ME2: variants seen among roughly 807,000 people sequenced by gnomAD.
ME2 encodes malic enzyme 2.
In ME2, 60 loss-of-function variants were observed where a neutral mutation model predicts 73.7. The ratio of observed to expected loss-of-function variants is 0.81; its 90% CI spans 0.66 to 1.01. The LOEUF (loss-of-function observed/expected upper bound fraction) is 1.01, where lower values mean the gene tolerates loss of function less well. ME2 is among the 50% of genes least tolerant of loss of function. ME2 has a pLI of 0.00. For synonymous variants in ME2, 199 were observed against 236.9 expected (o/e 0.84, Z 1.47); for missense variants, 594 against 705.5 (o/e 0.84, Z 1.79).
At chr18:50,940,699 G>A (rs1164987857) in intron 15 of ME2, among the ~76,000 whole-genome samples, 1 of 152,128 alleles carries the variant, frequency 6.6e-6, no homozygotes, top group Non-Finnish European at 1.5e-5. Flanking sequence ...CCCTTGGCCT[G>A]AAGCGATCCT....
chr18:50,892,659 GTCT>G lies in ME2; in HGVS notation c.-12-3145_-12-3143del, dbSNP rs1240480635. On this transcript the variant is annotated intron_variant, in intron 1 of 15. Transcript: ENST00000321341. The stretch of plus-strand genomic sequence containing the variant: ...TGATATAATCAGCCACTTTGCTGAA[GTCT>G]TCTTATTAGTTCTAGTATTTTTTTC... Among the ~76,000 whole-genome samples, 9 of 152,038 alleles carry G rather than the reference GTCT, an allele frequency of 5.9e-5. No homozygotes were observed. In the South Asian group the frequency reaches 1.5e-3, roughly 25 times the overall value.
Position 50,910,268 on chromosome 18 carries a change from C to CAAAA in ME2, c.242+2093_242+2096dup, listed in dbSNP as rs74176794. Among the ~76,000 whole-genome samples the CAAAA allele has an allele frequency of 6.5e-3, 223 of 34,452 alleles. 4 individuals are homozygous for CAAAA. The highest frequency in any genetic ancestry group is 8.2e-3 in the East Asian group (8 of 976). 22.6% of individuals were successfully genotyped at this position (34,452 alleles called of 152,430 possible). On this transcript the variant is annotated intron_variant, in intron 3 of 15. Coordinates refer to ENST00000321341, the MANE Select transcript of ME2 (RefSeq NM_002396.5). ...GCAACAGAGTGGGACCCTGTTTCTA[C>CAAAA]AAAAAAAAAAAAAAAAAAAAAAAAG...
At chr18:50,922,128 A>C (rs1917443647) in intron 10 of ME2, among the ~76,000 whole-genome samples, 1 of 152,256 alleles carries the variant, frequency 6.6e-6, no homozygotes, top group Non-Finnish European at 1.5e-5. Flanking sequence ...AATTAGAACC[A>C]GTATTCTATT....
chr18:50,947,106 G>A lies in ME2; in HGVS notation c.1677G>A (p.Arg559=). The change falls in exon 16 of 16, where the codon CGG becomes CGA. Residue 559 remains arginine, a synonymous_variant. Transcript: ENST00000321341. ...KAKYVKERTW[R]SEYDSLLPDV... ...AATATGTTAAAGAAAGAACATGGCG[G>A]AGTGAATATGATTCCCTGCTGCCAG... The A allele has an allele frequency of 2.5e-6, 4 of 1,614,052 alleles. No homozygotes were observed. Among genetic ancestry groups the A allele is most frequent in the Non-Finnish European group, 3.4e-6 (4 of 1,179,990 alleles).
chr18:50,880,840 C>T (rs1916302957), intron 1 of ME2, among the ~76,000 whole-genome samples: 1 of 152,230 alleles, frequency 6.6e-6, no homozygotes, highest in East Asian at 1.9e-4. Flanking sequence ...ATGGGTGACA[C>T]CCTTAGAGGG....
At chr18:50,942,117 A>G (rs1471406558) in intron 15 of ME2, among the ~76,000 whole-genome samples, 5 of 152,140 alleles carry the variant, frequency 3.3e-5, no homozygotes, top group East Asian at 1.9e-4. Flanking sequence ...CTCCAAAATC[A>G]TAACTGTCTA....
chr18:50,925,825 C>T lies in ME2; in HGVS notation c.1241C>T (p.Pro414Leu). 1 of 1,613,184 alleles carries T rather than the reference C, an allele frequency of 6.2e-7. No homozygotes were observed. Among genetic ancestry groups the T allele is most frequent in the South Asian group, 1.1e-5 (1 of 91,050 alleles). Residue 414 changes from proline to leucine, a missense_variant, in exon 12 of 16, where the codon CCT becomes CTT. Pro to Leu is a moderately conservative substitution (Grantham distance 98, BLOSUM62 -3). Transcript: ENST00000321341. ...GCCATGGCCTCTATCAATGAAAGGC[C>T]TGTAATATTTGCATTAAGTAATCCT... ...IRAMASINER[P>L]VIFALSNPTA...
intron 13 of ME2, among the ~76,000 whole-genome samples, chr18:50,938,001 C>G (rs376633311): frequency 5.3e-5 from 8 of 152,168 alleles, no homozygotes; most frequent in Admixed American, 1.3e-4. Flanking sequence ...CATCAAGGCA[C>G]AGTGTTATGA....
rs1279372996 is a variant in ME2, at chr18:50,947,276, G to A, written c.*92G>A. 3 of 1,356,388 alleles carry A rather than the reference G, an allele frequency of 2.2e-6. No individual in the cohort carries two copies. Among genetic ancestry groups the A allele is most frequent in the Non-Finnish European group, 3.0e-6 (3 of 985,694 alleles). The allele number at this position is 1,356,388 out of a possible 1,614,324, so 84.0% of individuals were successfully genotyped here. On this transcript the variant is annotated 3_prime_UTR_variant, in exon 16 of 16. Transcript: ENST00000321341. ...TGTCTTCAGTTTTATGGTGTTTTCT[G>A]TGTTTTGTTCTCCCTGACCACTTTG... is the stretch of plus-strand genomic sequence containing the variant.
At chr18:50,893,760 C>G (rs1916666431) in intron 1 of ME2, among the ~76,000 whole-genome samples, 1 of 152,198 alleles carries the variant, frequency 6.6e-6, no homozygotes, top group South Asian at 2.1e-4. Context: ...TTTCCTCTTA[C>G]TCTTTCTGCT....
At chr18:50,940,113 A>G in intron 14 of ME2, 175 bp from the exon 15 acceptor site, 1 of 571,776 alleles carries the variant, frequency 1.7e-6, no homozygotes, top group Non-Finnish European at 3.1e-6. Flanking sequence ...CTGGTTATTT[A>G]TTGTTTAGTG....
At chr18:50,902,617 G>A (rs558250657) in intron 2 of ME2, among the ~76,000 whole-genome samples, 165 of 152,170 alleles carry the variant, frequency 1.1e-3, no homozygotes, top group African/African-American at 3.8e-3. Flanking sequence ...GGCTGATCTC[G>A]AACTCCTGAC....
intron 1 of ME2, 138 bp downstream of exon 1, chr18:50,879,446 G>A (rs1021406337): frequency 6.6e-6 from 1 of 152,286 alleles, no homozygotes; most frequent in African/African-American, 2.4e-5. Flanking sequence ...TCCCGGCCTG[G>A]CGGTGGGGGC....
chr18:50,895,733 G>T, intron 1 of ME2, 76 bp from the exon 2 acceptor site: 1 of 906,820 alleles, frequency 1.1e-6, no homozygotes, highest in South Asian at 1.5e-5. Flanking sequence ...AATGTGTTTT[G>T]AAAACTGATA....
chr18:50,925,575 TTTTTC>T lies in ME2; in HGVS notation c.1172-175_1172-171del, dbSNP rs374217225. On this transcript the variant is annotated intron_variant, in intron 11 of 15. Coordinates refer to ENST00000321341, the MANE Select transcript of ME2 (RefSeq NM_002396.5). ...GTGAGAACTTTCAGCATCTTACTGT[TTTTTC>T]TTTTCAGATTTGAGATTGTGTTCTC... Among the ~76,000 whole-genome samples, 354 of 152,360 alleles carry T rather than the reference TTTTTC, an allele frequency of 2.3e-3. 2 individuals carry two copies. Among genetic ancestry groups the T allele is most frequent in the African/African-American group, 8.3e-3 (346 of 41,586 alleles).
At chr18:50,888,026 T>C (rs1025267597) in intron 1 of ME2, among the ~76,000 whole-genome samples, 2 of 152,106 alleles carry the variant, frequency 1.3e-5, no homozygotes, top group Non-Finnish European at 2.9e-5. Context: ...TATAAGAAGT[T>C]AGGTGGTGGA....
Position 50,939,475 on chromosome 18 carries a change from T to C in ME2, c.1418-95T>C, listed in dbSNP as rs867874394. On this transcript the variant is annotated intron_variant, in intron 13 of 15. Coordinates refer to ENST00000321341, the MANE Select transcript of ME2 (RefSeq NM_002396.5). Reference sequence around the variant, plus strand: ...TGTTTGGGGGGAGCTGTTTGCGATGTGGATGGATTACCATTTATTTGCCTG... The same window carrying C: ...TGTTTGGGGGGAGCTGTTTGCGATGCGGATGGATTACCATTTATTTGCCTG... 16 of 775,084 alleles carry C rather than the reference T, an allele frequency of 2.1e-5. No individual in the cohort carries two copies. The Middle Eastern group carries it at 9.5e-4, about 46-fold the overall frequency. 48.0% of individuals were successfully genotyped at this position (775,084 alleles called of 1,614,324 possible).
chr18:50,884,980 G>T (rs887449479), intron 1 of ME2, among the ~76,000 whole-genome samples: 1 of 152,070 alleles, frequency 6.6e-6, no homozygotes, highest in Non-Finnish European at 1.5e-5. Flanking sequence ...TCAGTCTCCC[G>T]AGTAGCTGGG....
chr18:50,902,358 A>T (rs182040921), intron 2 of ME2, among the ~76,000 whole-genome samples: 118 of 152,356 alleles, frequency 7.7e-4, no homozygotes, highest in African/African-American at 2.7e-3. Context: ...TACACAAATA[A>T]TATGACTAAT....
Sources: allele counts gnomAD v4.1 joint callset (sites outside exome capture counted in the v4.1 genomes callset), GRCh38; gene constraint gnomAD v4.1.1; transcripts MANE v1.5; gene names NCBI Gene and HGNC (gene_info 2026-07-23, HGNC 2026-07-21).